ITGA8: variants seen among roughly 807,000 people sequenced by gnomAD.
The protein encoded by ITGA8 is integrin subunit alpha 8.
ITGA8 carries 91 observed loss-of-function variants against 142.3 expected under a neutral mutation model. The ratio of observed to expected loss-of-function variants is 0.64; its 90% CI spans 0.54 to 0.76. The LOEUF is 0.76. ITGA8 is among the 30% of genes least tolerant of loss of function. The probability of loss-of-function intolerance (pLI) is 0.00; values close to 1 mark genes in which losing one functional copy is unlikely to be tolerated. For synonymous variants in ITGA8, 505 were observed against 485.2 expected (o/e 1.04, Z -0.54); for missense variants, 1,406 against 1,327.7 (o/e 1.06, Z -0.92).
At chr10:15,702,383 C>T (rs1291147999) in intron 2 of ITGA8, among the ~76,000 whole-genome samples, 2 of 151,860 alleles carry the variant, frequency 1.3e-5, no homozygotes, top group Non-Finnish European at 2.9e-5. Flanking sequence ...CTCCGCCTCC[C>T]GGATTCAAGC....
intron 13 of ITGA8, among the ~76,000 whole-genome samples, chr10:15,641,076 T>G (rs1008906974): frequency 1.3e-5 from 2 of 152,154 alleles, no homozygotes; most frequent in African/African-American, 4.8e-5. Context: ...TTTTCTGAGA[T>G]GGAGTCTCGC....
intron 9 of ITGA8, among the ~76,000 whole-genome samples, 158 bp from the exon 10 acceptor site, chr10:15,659,213 A>T (rs575566268): frequency 0.067 from 1,731 of 25,738 alleles, 18 homozygotes; most frequent in Middle Eastern, 0.35. Flanking sequence ...GATCTTATTT[A>T]AAAAAAAAAA....
At chr10:15,668,792 T>G (rs1834448740) in intron 8 of ITGA8, among the ~76,000 whole-genome samples, 1 of 152,208 alleles carries the variant, frequency 6.6e-6, no homozygotes, top group South Asian at 2.1e-4. Context: ...TTAGTTTGCC[T>G]GGATATGAGA....
chr10:15,634,671 A>G (rs1266368064), intron 13 of ITGA8, among the ~76,000 whole-genome samples: 1 of 152,220 alleles, frequency 6.6e-6, no homozygotes, highest in Non-Finnish European at 1.5e-5. Context: ...TAATCAGCAC[A>G]TATTCTACCG....
At chr10:15,580,367 G>T (rs1834386186) in intron 23 of ITGA8, among the ~76,000 whole-genome samples, 1 of 152,072 alleles carries the variant, frequency 6.6e-6, no homozygotes, top group Non-Finnish European at 1.5e-5. Context: ...ATCTAAGAAT[G>T]AAGTTGACTT....
intron 11 of ITGA8, among the ~76,000 whole-genome samples, chr10:15,649,698 A>C (rs1272646493): frequency 6.6e-6 from 1 of 152,158 alleles, no homozygotes; most frequent in African/African-American, 2.4e-5. Context: ...TTATCAGAAG[A>C]CACTCAATAT....
intron 6 of ITGA8, among the ~76,000 whole-genome samples, chr10:15,676,982 C>T (rs1324325200): frequency 6.6e-6 from 1 of 152,140 alleles, no homozygotes; most frequent in Non-Finnish European, 1.5e-5. Context: ...GCACTCCAGC[C>T]TGGGCAACAA....
intron 27 of ITGA8, among the ~76,000 whole-genome samples, chr10:15,541,427 T>A (rs1003352422): frequency 6.6e-6 from 1 of 152,228 alleles, no homozygotes; most frequent in African/African-American, 2.4e-5. Context: ...TCACTTCTTG[T>A]TCACTTTGTT....
chr10:15,579,917 C>T (rs1834374205), intron 23 of ITGA8, among the ~76,000 whole-genome samples: 1 of 151,126 alleles, frequency 6.6e-6, no homozygotes, highest in South Asian at 2.1e-4. Flanking sequence ...AAAAAGATCT[C>T]CAGTCAAGCA....
intron 6 of ITGA8, among the ~76,000 whole-genome samples, chr10:15,675,292 A>T (rs1834606183): frequency 6.6e-6 from 1 of 152,132 alleles, no homozygotes; most frequent in East Asian, 1.9e-4. Context: ...TCTCCAGGCC[A>T]CTCTAAACTG....
At chr10:15,616,853 A>G (rs1485739667) in intron 13 of ITGA8, among the ~76,000 whole-genome samples, 1 of 152,174 alleles carries the variant, frequency 6.6e-6, no homozygotes, top group Non-Finnish European at 1.5e-5. Context: ...TTCAAGGCAT[A>G]TACACCCAGG....
intron 13 of ITGA8, among the ~76,000 whole-genome samples, chr10:15,630,165 G>A (rs1249539903): frequency 1.3e-5 from 2 of 151,950 alleles, no homozygotes; most frequent in Non-Finnish European, 2.9e-5. Flanking sequence ...ATTTTAAAGG[G>A]CATCATCATC....
intron 2 of ITGA8, among the ~76,000 whole-genome samples, chr10:15,690,588 C>A (rs1478321655): frequency 6.6e-6 from 1 of 152,186 alleles, no homozygotes; most frequent in Non-Finnish European, 1.5e-5. Context: ...AGCACCTGTG[C>A]CTGAAACATA....
At chr10:15,705,464 C>G (rs1020348340) in intron 2 of ITGA8, among the ~76,000 whole-genome samples, 3 of 152,202 alleles carry the variant, frequency 2.0e-5, no homozygotes, top group African/African-American at 4.8e-5. Context: ...GTTTCTGCTG[C>G]TCTAAGGCCA....
At chr10:15,526,442 C>T (rs1833176470) in intron 28 of ITGA8, among the ~76,000 whole-genome samples, 1 of 152,122 alleles carries the variant, frequency 6.6e-6, no homozygotes, top group Admixed American at 6.5e-5. Context: ...TCCCAAAGTG[C>T]TGGGATTACA....
intron 8 of ITGA8, among the ~76,000 whole-genome samples, chr10:15,667,161 G>C: frequency 6.6e-6 from 1 of 152,116 alleles, no homozygotes; most frequent in East Asian, 1.9e-4. Flanking sequence ...AATTTTTTTG[G>C]TTGGTAAGCT....
chr10:15,599,182 T>A (rs536808617), intron 20 of ITGA8, among the ~76,000 whole-genome samples: 1 of 152,268 alleles, frequency 6.6e-6, no homozygotes, highest in East Asian at 1.9e-4. Context: ...CAAAGAGTTT[T>A]TTCTCCCTTT....
intron 2 of ITGA8, among the ~76,000 whole-genome samples, chr10:15,712,557 T>C (rs11253612): frequency 0.93 from 142,171 of 152,216 alleles, 67,009 homozygotes; most frequent in East Asian, 1. Context: ...GCTGAGATTG[T>C]GCCACTGCAT....
At chr10:15,598,653 T>G (rs549461433) in intron 20 of ITGA8, among the ~76,000 whole-genome samples, 1 of 152,208 alleles carries the variant, frequency 6.6e-6, no homozygotes, top group Non-Finnish European at 1.5e-5. Context: ...GCTGACACTT[T>G]CTTGTAAAAG....
Sources: allele counts gnomAD v4.1 joint callset (sites outside exome capture counted in the v4.1 genomes callset), GRCh38; gene constraint gnomAD v4.1.1; transcripts MANE v1.5; gene names NCBI Gene and HGNC (gene_info 2026-07-23, HGNC 2026-07-21).